Variants in POLD3 observed in about 807,000 individuals in gnomAD.
POLD3 encodes the protein DNA polymerase delta 3, accessory subunit.
A neutral mutation model predicts 58.2 loss-of-function variants in POLD3; 19 were observed. The ratio of observed to expected loss-of-function variants is 0.33; its 90% confidence interval spans 0.23 to 0.48. The LOEUF (loss-of-function observed/expected upper bound fraction) is 0.48, where lower values mean the gene tolerates loss of function less well. Ranked by LOEUF, POLD3 falls within the 20% of genes least tolerant of loss-of-function variation. The pLI is 0.99. For missense variants in POLD3, 504 were observed against 545.5 expected (o/e 0.92, Z 0.76); for synonymous variants, 172 against 193.5 (o/e 0.89, Z 0.92).
intron 10 of POLD3, 51 bp downstream of exon 10, chr11:74,634,746 G>A (rs1323874687): frequency 6.7e-6 from 7 of 1,041,404 alleles, no homozygotes; most frequent in Non-Finnish European, 1.1e-5. Flanking sequence ...TGTGTCTTAA[G>A]GACCTACAAC....
chr11:74,635,293 A>C (rs1325011474), intron 10 of POLD3, among the ~76,000 whole-genome samples: 1 of 152,182 alleles, frequency 6.6e-6, no homozygotes, highest in African/African-American at 2.4e-5. Context: ...TGATTTCCTC[A>C]TTAGCTGAAG....
intron 5 of POLD3, among the ~76,000 whole-genome samples, chr11:74,614,627 G>A (rs141696426): frequency 2.2e-4 from 33 of 152,138 alleles, no homozygotes; most frequent in African/African-American, 6.3e-4. Flanking sequence ...GGAGAATGGC[G>A]TGAACACGGA....
At chr11:74,658,331 A>T (rs907790240) in intron 4 of POLD3, among the ~76,000 whole-genome samples, 16 of 152,156 alleles carry the variant, frequency 1.1e-4, no homozygotes, top group Admixed American at 3.9e-4. Flanking sequence ...CTCCCACAAT[A>T]TGTGGGAATT....
At chr11:74,653,988 G>A (rs1395108957) in intron 4 of POLD3, among the ~76,000 whole-genome samples, 5 of 152,276 alleles carry the variant, frequency 3.3e-5, no homozygotes, top group African/African-American at 1.2e-4. Context: ...GCCAGAGCAG[G>A]AGCAAGAGAA....
In POLD3 at chr11:74,641,093, C is replaced by A; in HGVS notation, c.*327C>A. The A allele has an allele frequency of 2.0e-6, 2 of 1,024,222 alleles. No individual in the cohort carries two copies. Among genetic ancestry groups the A allele is most frequent in the Non-Finnish European group, 2.3e-6 (2 of 855,938 alleles). The allele number at this position is 1,024,222 out of a possible 1,614,324, so 63.4% of individuals were successfully genotyped here. ...ATTTAGTGGCTAACCCACTGTGCTC[C>A]ACTCACCCTATGCCCTGGTCCGCAT... is the stretch of plus-strand genomic sequence containing the variant. On this transcript the variant is annotated 3_prime_UTR_variant, in exon 12 of 12. Coordinates refer to ENST00000263681, the MANE Select transcript of POLD3 (RefSeq NM_006591.3).
chr11:74,621,311 C>T (rs927450772), intron 7 of POLD3, among the ~76,000 whole-genome samples: 1 of 152,096 alleles, frequency 6.6e-6, no homozygotes, highest in Non-Finnish European at 1.5e-5. Context: ...TTGTGAACAG[C>T]ACATGTGAGG....
intron 10 of POLD3, 122 bp from the exon 11 acceptor site, chr11:74,636,075 C>G: frequency 1.1e-6 from 1 of 938,696 alleles, no homozygotes; most frequent in Non-Finnish European, 1.6e-6. Flanking sequence ...TGTAGAGTTT[C>G]TCTTTCAACT....
In POLD3 at chr11:74,642,578, A is replaced by C; in HGVS notation, c.*1812A>C. 1.0e-6 allele frequency: 1 copy of C among 985,296 alleles called. No homozygotes were observed. Among genetic ancestry groups the C allele is most frequent in the Non-Finnish European group, 1.2e-6 (1 of 829,850 alleles). 61.0% of individuals were successfully genotyped at this position (985,296 alleles called of 1,614,324 possible). ...GTTCCATCTTGCAAGGGATAATACA[A>C]ATCCTATGATCTCTATGCCCAATAT... On this transcript the variant is annotated 3_prime_UTR_variant, in exon 12 of 12. Coordinates refer to ENST00000263681, the MANE Select transcript of POLD3 (RefSeq NM_006591.3).
At chr11:74,630,564 G>A (rs1006577946) in intron 9 of POLD3, among the ~76,000 whole-genome samples, 7 of 152,168 alleles carry the variant, frequency 4.6e-5, no homozygotes, top group African/African-American at 9.7e-5. Flanking sequence ...AGTAAGACAC[G>A]TGAGCATCCC....
At chr11:74,630,346 A>T (rs1349703784) in intron 9 of POLD3, among the ~76,000 whole-genome samples, 1 of 152,318 alleles carries the variant, frequency 6.6e-6, no homozygotes, top group East Asian at 1.9e-4. Context: ...CAAATTATAT[A>T]TACAGTTGAC....
intron 4 of POLD3, among the ~76,000 whole-genome samples, chr11:74,661,153 C>G (rs1289029092): frequency 6.6e-6 from 1 of 152,096 alleles, no homozygotes; most frequent in African/African-American, 2.4e-5. Flanking sequence ...TTTGAATTTT[C>G]TGTCTGAAAG....
Position 74,641,966 on chromosome 11 carries a change from C to T in POLD3, c.*1200C>T. 8.1e-6 allele frequency: 8 copies of T among 985,406 alleles called. No individual in the cohort carries two copies. Among genetic ancestry groups the T allele is most frequent in the Non-Finnish European group, 9.6e-6 (8 of 829,924 alleles). 61.0% of individuals were successfully genotyped at this position (985,406 alleles called of 1,614,324 possible). On this transcript the variant is annotated 3_prime_UTR_variant, in exon 12 of 12. Coordinates refer to ENST00000263681, the MANE Select transcript of POLD3 (RefSeq NM_006591.3). ...TCAAGTGACTTCCATTATGGCTGGA[C>T]AGGCGGTGAGCTCAGTGGATTGCAG...
chr11:74,605,941 A>C (rs2031660023), intron 3 of POLD3, among the ~76,000 whole-genome samples: 1 of 152,134 alleles, frequency 6.6e-6, no homozygotes, highest in African/African-American at 2.4e-5. Context: ...AAAATTAGCC[A>C]GGCATGGTGG....
chr11:74,667,593 T>TAAAAAAAAAAAAAAAAAAA (rs1565137722), intron 4 of POLD3, among the ~76,000 whole-genome samples: 2 of 151,086 alleles, frequency 1.3e-5, no homozygotes, highest in African/African-American at 4.9e-5. Flanking sequence ...AAATAAAATT[T>TAAAAAAAAAAAAAAAAAAA]AAAAATTTAG....
At chr11:74,611,233 AT>A (rs1565116199) in intron 3 of POLD3, among the ~76,000 whole-genome samples, 1 of 152,192 alleles carries the variant, frequency 6.6e-6, no homozygotes, top group African/African-American at 2.4e-5. Flanking sequence ...GAGATGCTGT[AT>A]TTTTTTAATT....
At chr11:74,668,725 G>T (rs2033301742) in intron 4 of POLD3, 3 of 1,247,744 alleles carry the variant, frequency 2.4e-6, no homozygotes, top group Non-Finnish European at 3.2e-6. Context: ...GGTATAATGG[G>T]AGAAAAGGGA....
At chr11:74,653,080 T>A (rs1297715986) in intron 4 of POLD3, among the ~76,000 whole-genome samples, 1 of 152,230 alleles carries the variant, frequency 6.6e-6, no homozygotes, top group Non-Finnish European at 1.5e-5. Context: ...AAAAATACCT[T>A]CAATTTTTGG....
rs75841467 is a variant in POLD3 at position 74,599,162 on chromosome 11, G to A, written c.116+5046G>A. Reference sequence around the variant, plus strand: ...ATACTCCCACCTCAGTCTCCTGAGAGTAGCTGGGACCACAGGTACATGCCA... The same window carrying A: ...ATACTCCCACCTCAGTCTCCTGAGAATAGCTGGGACCACAGGTACATGCCA... On this transcript the variant is annotated intron_variant, in intron 2 of 11. Transcript: ENST00000263681. Among the ~76,000 whole-genome samples, 1,396 of 152,198 alleles carry A rather than the reference G, an allele frequency of 9.2e-3. 20 individuals are homozygous for A. Among genetic ancestry groups the A allele is most frequent in the African/African-American group, 0.032 (1,323 of 41,496 alleles).
chr11:74,593,947 A>G, intron 1 of POLD3, 114 bp from the exon 2 acceptor site: 1 of 631,838 alleles, frequency 1.6e-6, no homozygotes, highest in Non-Finnish European at 2.9e-6. Flanking sequence ...CATTTATTGT[A>G]ATTTGTAAGG....
Sources: allele counts gnomAD v4.1 joint callset (sites outside exome capture counted in the v4.1 genomes callset), GRCh38; gene constraint gnomAD v4.1.1; transcripts MANE v1.5; gene names NCBI Gene and HGNC (gene_info 2026-07-23, HGNC 2026-07-21).